C10orf71: variants seen among roughly 807,000 people sequenced by gnomAD.
C10orf71 encodes cardiac-enriched FHL2-interacting protein.
For synonymous variants in C10orf71, 758 were observed against 726.3 expected (o/e 1.04, Z -0.70); for missense variants, 1,869 against 1,804.5 (o/e 1.04, Z -0.65).
In C10orf71 at chr10:49,322,590, C is replaced by T. The variant is rs1313906372; in HGVS notation, c.45C>T (p.Ser15=). 2.5e-6 allele frequency: 4 copies of T among 1,612,572 alleles called. No individual in the cohort carries two copies. Among genetic ancestry groups the T allele is most frequent in the Non-Finnish European group, 2.5e-6 (3 of 1,179,224 alleles). The change falls in exon 3 of 3, where the codon TCC becomes TCT. Residue 15 remains serine, a synonymous_variant. Transcript: ENST00000374144. Reference sequence around the variant, plus strand: ...AGTGCACAGACGCGTTCAGCGACTCCTCCAGCATCGGCAGCGTGTTGGATG... The same window carrying T: ...AGTGCACAGACGCGTTCAGCGACTCTTCCAGCATCGGCAGCGTGTTGGATG... The part of the protein sequence containing the change: ...NKKCTDAFSD[S]SSIGSVLDDA...
Position 49,324,810 on chromosome 10 carries a change from C to T in C10orf71, c.2265C>T (p.Asp755=). The T allele has an allele frequency of 1.3e-6, 2 of 1,552,040 alleles. No homozygotes were observed. The highest frequency in any genetic ancestry group is 1.7e-6 in the Non-Finnish European group (2 of 1,147,100). Reference sequence around the variant, plus strand: ...GGTTTACTGAGAACCAGCGGGAAGACAGGAGGAAGGATGTGAGTGCAGGTG... The same window carrying T: ...GGTTTACTGAGAACCAGCGGGAAGATAGGAGGAAGGATGTGAGTGCAGGTG... The part of the protein sequence containing the change: ...KMWFTENQRE[D]RRKDVSAGDS... Residue 755 remains aspartate, a synonymous_variant, in exon 3 of 3, where the codon GAC becomes GAT. Coordinates refer to ENST00000374144, the MANE Select transcript of C10orf71 (RefSeq NM_001135196.2).
At position 49,325,557 on chromosome 10, in the gene C10orf71, T is replaced by G; in HGVS notation, c.3012T>G (p.Ile1004Met). The change falls in exon 3 of 3, where the codon ATT (isoleucine) becomes ATG (methionine). Residue 1004 changes from isoleucine to methionine, a missense_variant. Physicochemically the swap from Ile to Met is conservative, Grantham distance 10. Transcript: ENST00000374144. Reference protein sequence around the residue: ...KLAAPWHIPTIALPEGDIEDQ... With the variant: ...KLAAPWHIPTMALPEGDIEDQ... Reference sequence around the variant, plus strand: ...CAGCCCCATGGCACATCCCCACCATTGCTTTACCCGAGGGTGACATAGAAG... The same window carrying G: ...CAGCCCCATGGCACATCCCCACCATGGCTTTACCCGAGGGTGACATAGAAG... 1 of 1,550,688 alleles carries G rather than the reference T, an allele frequency of 6.4e-7. No homozygotes were observed. The highest frequency in any genetic ancestry group is 2.0e-5 in the Admixed American group (1 of 50,970).
rs148169312 is a variant in C10orf71, at chr10:49,309,365, A to ACT, written c.-247-6767_-247-6766dup. Among the ~76,000 whole-genome samples the ACT allele has an allele frequency of 1.5e-3, 218 of 150,094 alleles. 1 individual carries two copies. Among genetic ancestry groups the ACT allele is most frequent in the African/African-American group, 4.8e-3 (196 of 41,022 alleles). Reference sequence around the variant, plus strand: ...GGCTTGCTAATACATGTGCACACTCACTCTCTCTCTCTCTGCTGTATGAGA... The same window carrying ACT: ...GGCTTGCTAATACATGTGCACACTCACTCTCTCTCTCTCTCTGCTGTATGAGA... On this transcript the variant is annotated intron_variant, in intron 1 of 2. Coordinates refer to ENST00000374144, the MANE Select transcript of C10orf71 (RefSeq NM_001135196.2).
In C10orf71 at chr10:49,325,367, G is replaced by T; in HGVS notation, c.2822G>T (p.Gly941Val). 1.3e-6 allele frequency: 2 copies of T among 1,551,726 alleles called. No homozygotes were observed. Among genetic ancestry groups the T allele is most frequent in the Admixed American group, 2.0e-5 (1 of 51,002 alleles). The change falls in exon 3 of 3, where the codon GGG (glycine) becomes GTG (valine). Residue 941 changes from glycine to valine, a missense_variant. Coordinates refer to ENST00000374144, the MANE Select transcript of C10orf71 (RefSeq NM_001135196.2). ...GAGGTCATGGAGGACCCTGGGCAGGGGTCGAGCATGGCCAGGATGGAGGCC... is the reference window on the plus strand; with the variant it reads ...GAGGTCATGGAGGACCCTGGGCAGGTGTCGAGCATGGCCAGGATGGAGGCC... ...ANEVMEDPGQ[G>V]SSMARMEASQ...
intron 2 of C10orf71, among the ~76,000 whole-genome samples, chr10:49,318,894 G>A (rs1292319554): frequency 2.0e-5 from 3 of 152,244 alleles, no homozygotes; most frequent in Admixed American, 2.0e-4. Context: ...GGGATGTGGA[G>A]CCAGGCAGGA....
rs1381649163 is a variant in C10orf71, at chr10:49,324,936, G to A, written c.2391G>A (p.Gly797=). The change falls in exon 3 of 3, where the codon GGG becomes GGA. Residue 797 remains glycine, a synonymous_variant. Transcript: ENST00000374144. ...CATGCCTGGAAAACCGCAGCCAGGG[G>A]GAAGCATTGCAAAGAGAAAGGGAAA... ...GHACLENRSQ[G]EALQRERESV... The A allele has an allele frequency of 1.3e-6, 2 of 1,550,896 alleles. No homozygotes were observed. Among genetic ancestry groups the A allele is most frequent in the Non-Finnish European group, 8.7e-7 (1 of 1,146,358 alleles).
intron 2 of C10orf71, among the ~76,000 whole-genome samples, chr10:49,319,762 A>G (rs1016907615): frequency 2.4e-5 from 1 of 42,004 alleles, no homozygotes; most frequent in Non-Finnish European, 4.7e-5. Context: ...GTGTATATGT[A>G]TATGTATATC....
Position 49,322,705 on chromosome 10 carries a change from G to T in C10orf71, c.160G>T (p.Ala54Ser), listed in dbSNP as rs764031595. 6.2e-7 allele frequency: 1 copy of T among 1,613,814 alleles called. No individual in the cohort carries two copies. Among genetic ancestry groups the T allele is most frequent in the African/African-American group, 1.3e-5 (1 of 74,922 alleles). Reference sequence around the variant, plus strand: ...CACATCCTTCCATGACTCCTATCTGGCTGTGTCCCCGGATATCACCCGACA... The same window carrying T: ...CACATCCTTCCATGACTCCTATCTGTCTGTGTCCCCGGATATCACCCGACA... Reference protein sequence around the residue: ...EDTSFHDSYLAVSPDITRQVF... With the variant: ...EDTSFHDSYLSVSPDITRQVF... The change falls in exon 3 of 3, where the codon GCT (alanine) becomes TCT (serine). Residue 54 changes from alanine (A) to serine (S), a missense_variant. Coordinates refer to ENST00000374144, the MANE Select transcript of C10orf71 (RefSeq NM_001135196.2).
intron 1 of C10orf71, among the ~76,000 whole-genome samples, chr10:49,302,804 G>T (rs1323930142): frequency 1.3e-5 from 2 of 152,226 alleles, no homozygotes; most frequent in Admixed American, 6.5e-5. Flanking sequence ...ACTTTGGGAA[G>T]TTGCCCAGGG....
At position 49,323,883 on chromosome 10, in the gene C10orf71, C is replaced by A. The variant is rs754446853; in HGVS notation, c.1338C>A (p.Leu446=). 1 of 1,613,658 alleles carries A rather than the reference C, an allele frequency of 6.2e-7. No individual in the cohort carries two copies. Among genetic ancestry groups the A allele is most frequent in the Non-Finnish European group, 8.5e-7 (1 of 1,179,840 alleles). ...HYDPPFNISK[L]LTPIIPSKHA... ...ATCCCCCCTTTAACATCAGTAAGCT[C>A]CTGACCCCCATCATACCCAGCAAGC... The change falls in exon 3 of 3, where the codon CTC becomes CTA. Residue 446 remains leucine, a synonymous_variant. Transcript: ENST00000374144.
chr10:49,325,196 C>T lies in C10orf71; in HGVS notation c.2651C>T (p.Ser884Phe). The T allele has an allele frequency of 6.4e-7, 1 of 1,552,046 alleles. No homozygotes were observed. Among genetic ancestry groups the T allele is most frequent in the South Asian group, 1.2e-5 (1 of 84,070 alleles). Residue 884 changes from serine (S) to phenylalanine (F), a missense_variant, in exon 3 of 3, where the codon TCC (serine) becomes TTC (phenylalanine). Transcript: ENST00000374144. Reference sequence around the variant, plus strand: ...CTGAGGACCATGTCCTTGGAGGACTCCCTCAGCAGTGGCCACAAAGAGGAG... The same window carrying T: ...CTGAGGACCATGTCCTTGGAGGACTTCCTCAGCAGTGGCCACAAAGAGGAG... ...PLLRTMSLED[S>F]LSSGHKEEEL...
chr10:49,312,480 C>T (rs1033919984), intron 1 of C10orf71, among the ~76,000 whole-genome samples: 28 of 152,344 alleles, frequency 1.8e-4, no homozygotes, highest in African/African-American at 6.0e-4. Flanking sequence ...ATTTAGATAA[C>T]GCATCACTTA....
In C10orf71 at chr10:49,300,831, A is replaced by G. The variant is rs1455961336; in HGVS notation, c.-248+1598A>G. Among the ~76,000 whole-genome samples, 3 of 152,286 alleles carry G rather than the reference A, an allele frequency of 2.0e-5. No homozygotes were observed. The East Asian group carries it at 5.8e-4, about 29-fold the overall frequency. On this transcript the variant is annotated intron_variant, in intron 1 of 2. Transcript: ENST00000374144. Reference sequence around the variant, plus strand: ...CCAGAAGCTCACTGGGAAGGGAACAACTGTGTGCGGTGGGTAAGAAGGGGG... The same window carrying G: ...CCAGAAGCTCACTGGGAAGGGAACAGCTGTGTGCGGTGGGTAAGAAGGGGG...
Position 49,322,539 on chromosome 10 carries a change from C to A in C10orf71, c.-7C>A. On this transcript the variant is annotated 5_prime_UTR_variant, in exon 3 of 3. Transcript: ENST00000374144. ...GCTGACAAGGACAGCTTTCTTGGAG[C>A]CAACAGATGATGCAAGGAAATAAGA... The A allele has an allele frequency of 6.3e-7, 1 of 1,592,700 alleles. No individual in the cohort carries two copies.
Position 49,323,265 on chromosome 10 carries a change from T to C in C10orf71, c.720T>C (p.Asn240=). ...HGSSSFLPAA[N]DTATLCESKF... is the part of the protein sequence containing the mutation. ...CCAGCAGCTTCCTCCCAGCAGCCAATGACACGGCCACCTTATGTGAGTCAA... is the reference window on the plus strand; with the variant it reads ...CCAGCAGCTTCCTCCCAGCAGCCAACGACACGGCCACCTTATGTGAGTCAA... Residue 240 remains asparagine (N), a synonymous_variant, in exon 3 of 3, where the codon AAT becomes AAC. Transcript: ENST00000374144. 6.2e-7 allele frequency: 1 copy of C among 1,613,834 alleles called. No homozygotes were observed. Among genetic ancestry groups the C allele is most frequent in the Non-Finnish European group, 8.5e-7 (1 of 1,179,826 alleles).
chr10:49,323,642 C>T lies in C10orf71; in HGVS notation c.1097C>T (p.Pro366Leu), dbSNP rs201571697. 5.0e-6 allele frequency: 8 copies of T among 1,606,944 alleles called. No individual in the cohort carries two copies. Among genetic ancestry groups the T allele is most frequent in the Admixed American group, 3.4e-5 (2 of 58,268 alleles). Residue 366 changes from proline to leucine, a missense_variant, in exon 3 of 3, where the codon CCC becomes CTC. Coordinates refer to ENST00000374144, the MANE Select transcript of C10orf71 (RefSeq NM_001135196.2). ...AQVFAVEGKAPSSQPDSQEKP... is the reference protein window; with the variant it reads ...AQVFAVEGKALSSQPDSQEKP... Reference sequence around the variant, plus strand: ...GTATTTGCTGTGGAAGGAAAAGCTCCCAGCTCACAACCTGATTCTCAAGAG... The same window carrying T: ...GTATTTGCTGTGGAAGGAAAAGCTCTCAGCTCACAACCTGATTCTCAAGAG...
At chr10:49,311,192 C>T (rs368721002) in intron 1 of C10orf71, among the ~76,000 whole-genome samples, 9 of 149,172 alleles carry the variant, frequency 6.0e-5, no homozygotes, top group East Asian at 1.9e-4. Context: ...CCAGCGTCAC[C>T]CAGTGGGGCT....
At chr10:49,299,687 T>C (rs538364957) in intron 1 of C10orf71, among the ~76,000 whole-genome samples, 189 of 152,308 alleles carry the variant, frequency 1.2e-3, no homozygotes, top group African/African-American at 4.3e-3. Context: ...TGTGTGACTT[T>C]GTCCTTAGGT....
chr10:49,323,367 T>C lies in C10orf71; in HGVS notation c.822T>C (p.Asn274=), dbSNP rs1380987628. The change falls in exon 3 of 3, where the codon AAT becomes AAC. Residue 274 remains asparagine (N), a synonymous_variant. Coordinates refer to ENST00000374144, the MANE Select transcript of C10orf71 (RefSeq NM_001135196.2). ...RGKGTFLHSE[N]SAFESWNAHQ... The stretch of plus-strand genomic sequence containing the variant: ...AAGGTACCTTTCTGCACAGTGAAAA[T>C]AGTGCTTTTGAGTCATGGAATGCCC... 1 of 1,613,816 alleles carries C rather than the reference T, an allele frequency of 6.2e-7. No homozygotes were observed. Among genetic ancestry groups the C allele is most frequent in the South Asian group, 1.1e-5 (1 of 91,062 alleles).
Sources: allele counts gnomAD v4.1 joint callset (sites outside exome capture counted in the v4.1 genomes callset), GRCh38; gene constraint gnomAD v4.1.1; transcripts MANE v1.5; gene names NCBI Gene and HGNC (gene_info 2026-07-23, HGNC 2026-07-21).